The following KCNIP1 variants were observed in gnomAD, a reference collection of about 807,000 sequenced individuals.
KCNIP1 encodes the protein potassium voltage-gated channel interacting protein 1.
Under a neutral mutation model 33.0 loss-of-function variants are expected in KCNIP1, and 18 were observed. The observed-to-expected ratio is 0.55, with a 90% confidence interval of 0.38 to 0.81. The LOEUF (loss-of-function observed/expected upper bound fraction) is 0.81. Ranked by LOEUF, KCNIP1 falls within the 30% of genes least tolerant of loss-of-function variation. The probability of loss-of-function intolerance (pLI) is 0.00; values close to 1 mark genes in which losing one functional copy is unlikely to be tolerated. For synonymous variants in KCNIP1, 93 were observed against 98.3 expected (o/e 0.95, Z 0.32); for missense variants, 238 against 271.6 (o/e 0.88, Z 0.87).
chr5:170,512,304 G>T (rs1754963100), intron 1 of KCNIP1, among the ~76,000 whole-genome samples: 1 of 152,210 alleles, frequency 6.6e-6, no homozygotes, highest in Non-Finnish European at 1.5e-5. Flanking sequence ...TGGGCAAGGA[G>T]ATCAGTCGGT....
intron 1 of KCNIP1, among the ~76,000 whole-genome samples, chr5:170,688,233 G>A (rs1762608459): frequency 6.6e-6 from 1 of 152,146 alleles, no homozygotes; most frequent in African/African-American, 2.4e-5. Flanking sequence ...CCAAGAGGCT[G>A]GATTCCAGAC....
intron 1 of KCNIP1, among the ~76,000 whole-genome samples, chr5:170,665,332 AT>A (rs201353772): frequency 0.015 from 2,270 of 149,840 alleles, 43 homozygotes; most frequent in East Asian, 0.074. Context: ...AGAAATCTGG[AT>A]TTTTTTTTTC....
At chr5:170,707,787 G>C (rs890160028) in intron 1 of KCNIP1, among the ~76,000 whole-genome samples, 5 of 145,386 alleles carry the variant, frequency 3.4e-5, no homozygotes, top group African/African-American at 1.3e-4. Flanking sequence ...ACACTCAAAG[G>C]TTTTTTTTTT....
intron 5 of KCNIP1, among the ~76,000 whole-genome samples, chr5:170,729,396 G>T (rs555647825): frequency 5.7e-4 from 86 of 152,050 alleles, no homozygotes; most frequent in African/African-American, 2.0e-3. Context: ...CTTAACAAAG[G>T]CAAGAGTCAT....
In KCNIP1 at chr5:170,699,895, C is replaced by T. The variant is rs890914317; in HGVS notation, c.62-18863C>T. Among the ~76,000 whole-genome samples the T allele has an allele frequency of 2.0e-5, 3 of 152,200 alleles. No individual in the cohort carries two copies. The East Asian group carries it at 5.8e-4, about 29-fold the overall frequency. On this transcript the variant is annotated intron_variant, in intron 1 of 7. Coordinates refer to ENST00000328939, the MANE Select transcript of KCNIP1 (RefSeq NM_014592.4). ...AGGCAGAGAGCTGGCCCCACAGAGCCATCCTCCGTGAAGCCCCAGCAAACG... is the reference window on the plus strand; with the variant it reads ...AGGCAGAGAGCTGGCCCCACAGAGCTATCCTCCGTGAAGCCCCAGCAAACG...
rs540230919 is a variant in KCNIP1, at chr5:170,509,200, C to T, written c.61+4567C>T. 1.1e-4 allele frequency among the ~76,000 whole-genome samples: 17 copies of T among 152,226 alleles called. No homozygotes were observed. In the East Asian group the frequency reaches 2.7e-3, roughly 24 times the overall value. On this transcript the variant is annotated intron_variant, in intron 1 of 7. Transcript: ENST00000328939. ...AATTGACTTTGTCCATGAAATGTAC[C>T]GAATCTGTTTACCATTTAGCAGGAA...
chr5:170,501,573 A>G (rs547899505), upstream of KCNIP1, among the ~76,000 whole-genome samples: 42 of 152,348 alleles, frequency 2.8e-4, no homozygotes, highest in South Asian at 8.7e-3. Flanking sequence ...GGAGCAAGTC[A>G]TCTGTACTCT....
chr5:170,721,031 ACTC>A (rs1763801411), intron 3 of KCNIP1, among the ~76,000 whole-genome samples: 1 of 152,012 alleles, frequency 6.6e-6, no homozygotes, highest in African/African-American at 2.4e-5. Flanking sequence ...CACATCGGTG[ACTC>A]CTCCTGTGGC....
At chr5:170,722,040 G>A in intron 4 of KCNIP1, 137 bp downstream of exon 4, 2 of 1,088,006 alleles carry the variant, frequency 1.8e-6, no homozygotes, top group African/African-American at 1.6e-5. Context: ...CCATTTGTAA[G>A]CATTTCCTAA....
At chr5:170,561,529 T>A (rs1757034040) in intron 1 of KCNIP1, among the ~76,000 whole-genome samples, 2 of 152,222 alleles carry the variant, frequency 1.3e-5, no homozygotes, top group African/African-American at 4.8e-5. Flanking sequence ...GGCTTCCTCC[T>A]CTCTTCCCTC....
chr5:170,591,620 A>G (rs751228902), intron 1 of KCNIP1, among the ~76,000 whole-genome samples: 3 of 152,150 alleles, frequency 2.0e-5, no homozygotes, highest in Non-Finnish European at 4.4e-5. Flanking sequence ...CTCTTCCCCC[A>G]GCTCCTAGCA....
intron 1 of KCNIP1, among the ~76,000 whole-genome samples, chr5:170,658,456 A>G (rs192838328): frequency 1.6e-4 from 24 of 152,314 alleles, no homozygotes; most frequent in African/African-American, 5.5e-4. Context: ...TAAAGGTCCT[A>G]CCTCGCAATA....
At position 170,578,571 on chromosome 5, in the gene KCNIP1, C is replaced by T. The variant is rs555065887; in HGVS notation, c.61+73938C>T. ...AGGGATGAGATCCGTGGAGAATCAC[C>T]GCAGAGCTGGCAGCGTTTATCTAAG... On this transcript the variant is annotated intron_variant, in intron 1 of 7. Coordinates refer to ENST00000328939, the MANE Select transcript of KCNIP1 (RefSeq NM_014592.4). Among the ~76,000 whole-genome samples, 52 of 152,222 alleles carry T rather than the reference C, an allele frequency of 3.4e-4. 1 individual carries two copies. The highest frequency in any genetic ancestry group is 1.2e-3 in the African/African-American group (50 of 41,530).
chr5:170,579,899 C>A (rs1480961843), intron 1 of KCNIP1, among the ~76,000 whole-genome samples: 1 of 152,008 alleles, frequency 6.6e-6, no homozygotes, highest in South Asian at 2.1e-4. Flanking sequence ...ATTCCAAAAG[C>A]TCATTACTGG....
intron 1 of KCNIP1, among the ~76,000 whole-genome samples, chr5:170,628,725 A>G (rs1468784140): frequency 1.3e-5 from 2 of 152,236 alleles, no homozygotes; most frequent in East Asian, 1.9e-4. Context: ...ACACCCGTCA[A>G]TACATGAATA....
At chr5:170,635,436 C>T (rs1760244144) in intron 1 of KCNIP1, among the ~76,000 whole-genome samples, 2 of 152,164 alleles carry the variant, frequency 1.3e-5, no homozygotes, top group African/African-American at 4.8e-5. Flanking sequence ...CTCCCCTGTC[C>T]AAGGTAGCTC....
intron 1 of KCNIP1, chr5:170,383,011 A>AGAAAGAAGGAGGGAAGAAAGG (rs1764310990): frequency 6.6e-6 from 1 of 152,478 alleles, no homozygotes; most frequent in East Asian, 1.9e-4. Flanking sequence ...AAAAAAGAAA[A>AGAAAGAAGGAGGGAAGAAAGG]GAAAGAAGGA....
chr5:170,508,924 A>T (rs553168363), intron 1 of KCNIP1, among the ~76,000 whole-genome samples: 2 of 151,650 alleles, frequency 1.3e-5, no homozygotes, highest in Non-Finnish European at 2.9e-5. Context: ...TTTCCCCACC[A>T]CCAGAGGTCA....
intron 1 of KCNIP1, among the ~76,000 whole-genome samples, chr5:170,446,673 C>T (rs985712074): frequency 1.3e-5 from 2 of 152,138 alleles, no homozygotes; most frequent in African/African-American, 4.8e-5. Context: ...AACTCCTGGG[C>T]TCAAGCAATC....
Sources: gnomAD v4.1 joint callset for allele counts (sites outside exome capture counted in the v4.1 genomes callset) on GRCh38, gnomAD v4.1.1 for gene constraint, MANE v1.5 for transcripts, NCBI Gene and HGNC (gene_info 2026-07-23, HGNC 2026-07-21) for gene names.